GABRP: variants seen among roughly 807,000 people sequenced by gnomAD.
The protein encoded by GABRP is gamma-aminobutyric acid receptor subunit pi.
GABRP carries 52 observed loss-of-function variants against 47.8 expected under a neutral mutation model. The ratio of observed to expected loss-of-function variants is 1.09; its 90% confidence interval spans 0.87 to 1.37. The LOEUF (loss-of-function observed/expected upper bound fraction) is 1.37, where lower values mean the gene tolerates loss of function less well. Ranked by LOEUF, GABRP falls within the 40% of genes most tolerant of loss-of-function variation. The pLI, the probability that GABRP is intolerant of heterozygous loss-of-function variation, is 0.00. For missense variants in GABRP, 525 were observed against 542.8 expected, an observed-to-expected ratio of 0.97 and a Z score of 0.33; for synonymous variants, 221 against 205.8, an observed-to-expected ratio of 1.07 and a Z score of -0.63.
chr5:170,811,639 C>T (rs963387407), intron 9 of GABRP, among the ~76,000 whole-genome samples: 1 of 152,066 alleles, frequency 6.6e-6, no homozygotes, highest in Admixed American at 6.6e-5. Flanking sequence ...AGTGAGAGGC[C>T]GAATGGAATT....
chr5:170,782,921 T>C (rs1027967839), upstream of GABRP: 10 of 151,764 alleles, frequency 6.6e-5, no homozygotes, highest in African/African-American at 2.4e-4. Flanking sequence ...GAGCCAAGAG[T>C]GAGTTTGGGG....
rs772285896 is a variant in GABRP at position 170,789,120 on chromosome 5, C to A, written c.54-9C>A. On this transcript the variant is annotated splice_polypyrimidine_tract_variant and intron_variant, in intron 2 of 9. Transcript: ENST00000265294. ...CAAGCAAACACAACAAAGCCCATTT[C>A]TTTTCCAGGATGTGCATCCAGGGGA... 21 of 1,607,258 alleles carry A rather than the reference C, an allele frequency of 1.3e-5. No homozygotes were observed. The highest frequency in any genetic ancestry group is 1.7e-5 in the Admixed American group (1 of 59,932).
chr5:170,793,447 G>T (rs544400307), intron 3 of GABRP, among the ~76,000 whole-genome samples: 1 of 152,110 alleles, frequency 6.6e-6, no homozygotes, highest in Non-Finnish European at 1.5e-5. Context: ...CAGGATTGAG[G>T]CCCAACAGTC....
Position 170,788,577 on chromosome 5 carries a change from A to G in GABRP, c.-39A>G. ...TACCTTGCCCCCTGTTTCCCAGGTGATTCCTACTTCAGCCCCTTGGTGTGA... is the reference window on the plus strand; with the variant it reads ...TACCTTGCCCCCTGTTTCCCAGGTGGTTCCTACTTCAGCCCCTTGGTGTGA... On this transcript the variant is annotated 5_prime_UTR_variant, in exon 2 of 10. Coordinates refer to ENST00000265294, the MANE Select transcript of GABRP (RefSeq NM_014211.3). 1 of 1,611,362 alleles carries G rather than the reference A, an allele frequency of 6.2e-7. No individual in the cohort carries two copies. Among genetic ancestry groups the G allele is most frequent in the South Asian group, 1.1e-5 (1 of 90,984 alleles).
At chr5:170,805,893 A>G (rs771594660) in intron 7 of GABRP, 40 bp downstream of exon 7, 2 of 1,606,384 alleles carry the variant, frequency 1.2e-6, no homozygotes, top group East Asian at 2.2e-5. Flanking sequence ...AAAATAAGTG[A>G]ACTGAGGTGT....
chr5:170,784,716 A>T (rs73800952), intron 1 of GABRP, among the ~76,000 whole-genome samples: 17,241 of 152,214 alleles, frequency 0.11, 1,242 homozygotes, highest in South Asian at 0.19. Context: ...GGAGAATGAA[A>T]ACTAATGTTT....
At chr5:170,794,659 A>G (rs1248201246) in intron 4 of GABRP, among the ~76,000 whole-genome samples, 1 of 152,082 alleles carries the variant, frequency 6.6e-6, no homozygotes, top group Non-Finnish European at 1.5e-5. Context: ...TGGCCATTAC[A>G]TGGTCTTTTA....
intron 2 of GABRP, 50 bp downstream of exon 2, chr5:170,788,718 C>G (rs1325174223): frequency 1.9e-6 from 3 of 1,575,008 alleles, no homozygotes; most frequent in South Asian, 1.1e-5. Flanking sequence ...GCTTTGCATT[C>G]GGGCATGTGG....
intron 7 of GABRP, among the ~76,000 whole-genome samples, chr5:170,806,117 A>G (rs1765729158): frequency 6.6e-6 from 1 of 152,222 alleles, no homozygotes. Flanking sequence ...CCGTGCCTCC[A>G]TCATGCATAA....
chr5:170,784,544 C>G (rs1156919822), intron 1 of GABRP, among the ~76,000 whole-genome samples: 1 of 152,024 alleles, frequency 6.6e-6, no homozygotes, highest in Non-Finnish European at 1.5e-5. Context: ...CCTATGTGAC[C>G]TTAATGCCCT....
Position 170,813,350 on chromosome 5 carries a change from A to G in GABRP, c.*1092A>G, listed in dbSNP as rs1229952230. On this transcript the variant is annotated 3_prime_UTR_variant, in exon 10 of 10. Transcript: ENST00000265294. The stretch of plus-strand genomic sequence containing the variant: ...TATTAGAAAACAAACTGCTTGACCC[A>G]GGAACAAGTGGCTTAGCTTAAGTAA... The G allele has an allele frequency of 6.6e-6, 1 of 152,290 alleles. No individual in the cohort carries two copies. Among genetic ancestry groups the G allele is most frequent in the Non-Finnish European group, 1.5e-5 (1 of 68,092 alleles). The allele number at this position is 152,290 out of a possible 1,614,324, so 9.4% of individuals were successfully genotyped here. A position where few individuals can be genotyped will look rare whatever the true frequency, so the allele number is the denominator to read the frequency against.
At chr5:170,796,428 G>A (rs552153798) in intron 5 of GABRP, among the ~76,000 whole-genome samples, 12 of 152,100 alleles carry the variant, frequency 7.9e-5, no homozygotes, top group Non-Finnish European at 1.5e-4. Context: ...CTGTATTATG[G>A]CACACAACAC....
chr5:170,808,775 T>C lies in GABRP; in HGVS notation c.832+23T>C, dbSNP rs765518630. ...TTGGTAAGCAGCTCCAACAGGAGAT[T>C]TCTAAGAACTGGCTTATCAGGTTAC... On this transcript the variant is annotated intron_variant, in intron 8 of 9. Coordinates refer to ENST00000265294, the MANE Select transcript of GABRP (RefSeq NM_014211.3). 3.1e-6 allele frequency: 5 copies of C among 1,609,276 alleles called. No individual in the cohort carries two copies. In the East Asian group the frequency reaches 1.1e-4, roughly 36 times the overall value.
At chr5:170,795,520 C>T in intron 5 of GABRP, 95 bp downstream of exon 5, 2 of 955,608 alleles carry the variant, frequency 2.1e-6, no homozygotes, top group South Asian at 1.4e-5. Flanking sequence ...ACTCAAATAG[C>T]CACTGTGAGG....
rs955995729 is a variant in GABRP at position 170,813,243 on chromosome 5, C to A, written c.*985C>A. The stretch of plus-strand genomic sequence containing the variant: ...TCATTGCTGCTACTCTAACACTGAG[C>A]AACACTCTCCCAGTGGCAGATCCCC... On this transcript the variant is annotated 3_prime_UTR_variant, in exon 10 of 10. Coordinates refer to ENST00000265294, the MANE Select transcript of GABRP (RefSeq NM_014211.3). 5 of 152,176 alleles carry A rather than the reference C, an allele frequency of 3.3e-5. No homozygotes were observed. Among genetic ancestry groups the A allele is most frequent in the Admixed American group, 2.0e-4 (3 of 15,276 alleles). 9.4% of individuals were successfully genotyped at this position (152,176 alleles called of 1,614,324 possible).
At chr5:170,792,063 A>G (rs899849656) in intron 3 of GABRP, among the ~76,000 whole-genome samples, 3 of 152,218 alleles carry the variant, frequency 2.0e-5, no homozygotes, top group African/African-American at 7.2e-5. Flanking sequence ...ACACTCTTAC[A>G]ATGGCAATTA....
chr5:170,783,661 G>A (rs746823770), upstream of GABRP: 13 of 152,166 alleles, frequency 8.5e-5, no homozygotes, highest in African/African-American at 2.9e-4. Context: ...GGGGCTTTGA[G>A]AGGCTCCGCC....
At chr5:170,802,697 A>G (rs1486319123) in intron 6 of GABRP, among the ~76,000 whole-genome samples, 1 of 151,516 alleles carries the variant, frequency 6.6e-6, no homozygotes, top group Non-Finnish European at 1.5e-5. Context: ...GAGCGGAGGG[A>G]GTTTTCTCTG....
intron 6 of GABRP, among the ~76,000 whole-genome samples, chr5:170,805,433 G>A (rs1467057816): frequency 6.6e-6 from 1 of 152,182 alleles, no homozygotes; most frequent in African/African-American, 2.4e-5. Context: ...TTTAAATAAT[G>A]AGGGAGGCCA....
Sources: gnomAD v4.1 joint callset for allele counts (sites outside exome capture counted in the v4.1 genomes callset) on GRCh38, gnomAD v4.1.1 for gene constraint, MANE v1.5 for transcripts, NCBI Gene and HGNC (gene_info 2026-07-23, HGNC 2026-07-21) for gene names.